LRRIQ1: variants seen among roughly 807,000 people sequenced by gnomAD.
LRRIQ1 encodes leucine rich repeats and IQ motif containing 1.
In LRRIQ1, 210 loss-of-function variants were observed where a neutral mutation model predicts 211.9. That is an observed-to-expected ratio of 0.99 (90% CI 0.89 to 1.11). The LOEUF is 1.11. Among genes scored for constraint, LRRIQ1 ranks in the 50% most tolerant of loss-of-function variants. The pLI, the probability that LRRIQ1 is intolerant of heterozygous loss-of-function variation, is 0.00. For synonymous variants in LRRIQ1, 699 were observed against 650.1 expected, an observed-to-expected ratio of 1.08 and a Z score of -1.14; for missense variants, 2,136 against 1,939.5, an observed-to-expected ratio of 1.10 and a Z score of -1.90.
chr12:85,037,601 AAGG>A (rs1176621574), intron 1 of LRRIQ1, among the ~76,000 whole-genome samples: 2 of 151,794 alleles, frequency 1.3e-5, no homozygotes, highest in Non-Finnish European at 2.9e-5. Context: ...AGTAGAGTGA[AAGG>A]AGGAATTAAC....
At chr12:85,069,950 C>A (rs1882902580) in intron 10 of LRRIQ1, among the ~76,000 whole-genome samples, 1 of 151,908 alleles carries the variant, frequency 6.6e-6, no homozygotes, top group South Asian at 2.1e-4. Flanking sequence ...TTAATTAGAT[C>A]CCATTTGTCA....
intron 11 of LRRIQ1, among the ~76,000 whole-genome samples, chr12:85,096,413 T>G (rs1361420131): frequency 6.6e-6 from 1 of 152,182 alleles, no homozygotes; most frequent in African/African-American, 2.4e-5. Flanking sequence ...TTAATTTTGT[T>G]GTTTAACCAA....
At chr12:85,081,199 C>G (rs1425751166) in intron 11 of LRRIQ1, among the ~76,000 whole-genome samples, 1 of 152,102 alleles carries the variant, frequency 6.6e-6, no homozygotes, top group African/African-American at 2.4e-5. Flanking sequence ...TGTAAGCTTT[C>G]TTTCTGAGGA....
At chr12:85,195,122 G>C (rs1444243956) in intron 24 of LRRIQ1, among the ~76,000 whole-genome samples, 1 of 152,022 alleles carries the variant, frequency 6.6e-6, no homozygotes, top group African/African-American at 2.4e-5. Context: ...GACTAAACCA[G>C]GAAGAAGTTG....
At chr12:85,168,086 G>A (rs1340432633) in intron 24 of LRRIQ1, among the ~76,000 whole-genome samples, 1 of 152,134 alleles carries the variant, frequency 6.6e-6, no homozygotes, top group Non-Finnish European at 1.5e-5. Context: ...GAAATAAGAA[G>A]AAAATACTCT....
chr12:85,199,428 CATT>C (rs1326139516), intron 24 of LRRIQ1, among the ~76,000 whole-genome samples: 1 of 151,990 alleles, frequency 6.6e-6, no homozygotes, highest in African/African-American at 2.4e-5. Context: ...AGGTGTGTGA[CATT>C]ATTTCTGGTC....
chr12:85,213,328 C>T (rs1372330234), intron 24 of LRRIQ1, among the ~76,000 whole-genome samples: 2 of 151,834 alleles, frequency 1.3e-5, no homozygotes, highest in Admixed American at 1.3e-4. Context: ...TATAACACAA[C>T]CTCAAAAATA....
chr12:85,192,718 A>T (rs1209168404), intron 24 of LRRIQ1, among the ~76,000 whole-genome samples: 28 of 98,450 alleles, frequency 2.8e-4, no homozygotes, highest in African/African-American at 1.2e-3. Flanking sequence ...TATAATTATA[A>T]ATATATATAG....
chr12:85,064,576 T>C (rs1882224509), intron 8 of LRRIQ1, among the ~76,000 whole-genome samples: 1 of 151,806 alleles, frequency 6.6e-6, no homozygotes, highest in Admixed American at 6.6e-5. Flanking sequence ...TGTAGGGTAT[T>C]ACTCAAGAAA....
At chr12:85,060,352 A>G (rs1222690690) in intron 8 of LRRIQ1, among the ~76,000 whole-genome samples, 2 of 151,960 alleles carry the variant, frequency 1.3e-5, no homozygotes, top group East Asian at 1.9e-4. Flanking sequence ...GGTAATGAAT[A>G]TATTTTTATT....
chr12:85,152,967 C>T (rs940325484), intron 20 of LRRIQ1, 57 bp from the exon 21 acceptor site: 1 of 1,335,922 alleles, frequency 7.5e-7, no homozygotes, highest in Non-Finnish European at 1.0e-6. Context: ...AATAATACAA[C>T]ATAAATGCTA....
intron 24 of LRRIQ1, among the ~76,000 whole-genome samples, chr12:85,207,831 G>T (rs1034623191): frequency 6.6e-6 from 1 of 152,010 alleles, no homozygotes; most frequent in Non-Finnish European, 1.5e-5. Flanking sequence ...GCAAAGATCA[G>T]TTGACTATAT....
chr12:85,266,779 CTAG>C (rs1257744727), downstream of LRRIQ1, among the ~76,000 whole-genome samples: 27 of 152,072 alleles, frequency 1.8e-4, no homozygotes, highest in Admixed American at 1.4e-3. Context: ...AACTTACTTG[CTAG>C]TAGTCTTTGC....
At chr12:85,239,554 C>A (rs1378036173) in intron 26 of LRRIQ1, among the ~76,000 whole-genome samples, 2 of 151,722 alleles carry the variant, frequency 1.3e-5, no homozygotes, top group Non-Finnish European at 2.9e-5. Flanking sequence ...GGAAAGATAA[C>A]CCTTTCTACA....
intron 5 of LRRIQ1, among the ~76,000 whole-genome samples, chr12:85,046,458 T>G (rs1386655026): frequency 1.3e-5 from 2 of 152,224 alleles, no homozygotes; most frequent in African/African-American, 4.8e-5. Context: ...ATTTTTATAT[T>G]AAGTTTTGTG....
chr12:85,169,347 G>A (rs1189770471), intron 24 of LRRIQ1, among the ~76,000 whole-genome samples: 1 of 152,086 alleles, frequency 6.6e-6, no homozygotes. Flanking sequence ...TAAGTTGGAA[G>A]CCCTTAGATA....
In LRRIQ1 at chr12:85,201,924, C is replaced by G. The variant is rs559499942; in HGVS notation, c.4823-27593C>G. 1.3e-4 allele frequency among the ~76,000 whole-genome samples: 20 copies of G among 152,128 alleles called. 1 individual carries two copies. The South Asian group carries it at 3.5e-3, about 27-fold the overall frequency. ...TTTTTCTTACTTTTTGATGTGTGCT[C>G]TCAGTGCTATAAACTTCCCTCCTAA... On this transcript the variant is annotated intron_variant, in intron 24 of 26. Coordinates refer to ENST00000393217, the MANE Select transcript of LRRIQ1 (RefSeq NM_001079910.2).
intron 24 of LRRIQ1, among the ~76,000 whole-genome samples, chr12:85,178,963 G>A (rs1018848709): frequency 1.3e-5 from 2 of 150,684 alleles, no homozygotes; most frequent in African/African-American, 2.4e-5. Context: ...TATGTAAATG[G>A]GCAAAACAAA....
intron 18 of LRRIQ1, among the ~76,000 whole-genome samples, chr12:85,134,030 T>C (rs533432636): frequency 5.3e-5 from 8 of 152,202 alleles, no homozygotes; most frequent in African/African-American, 1.7e-4. Context: ...CTCAAGACTA[T>C]TGGCAGCAGT....
Sources: gnomAD v4.1 joint callset for allele counts (sites outside exome capture counted in the v4.1 genomes callset) on GRCh38, gnomAD v4.1.1 for gene constraint, MANE v1.5 for transcripts, NCBI Gene and HGNC (gene_info 2026-07-23, HGNC 2026-07-21) for gene names.